The following MYLK4 variants were observed in gnomAD, a reference collection of about 807,000 sequenced individuals.
The protein encoded by MYLK4 is caMLCK like.
A neutral mutation model predicts 48.1 loss-of-function variants in MYLK4; 46 were observed. The observed-to-expected ratio is 0.96, with a 90% CI of 0.75 to 1.22. MYLK4 has a LOEUF of 1.22. MYLK4 is among the 50% of genes most tolerant of loss of function. The pLI, the probability that MYLK4 is intolerant of heterozygous loss-of-function variation, is 0.00. For missense variants in MYLK4, 451 were observed against 486.1 expected (o/e 0.93, Z 0.68); for synonymous variants, 170 against 180.8 (o/e 0.94, Z 0.48).
At chr6:2,689,074 CTGTT>C (rs1329749829) in intron 3 of MYLK4, 118 bp from the exon 4 acceptor site, 5 of 734,740 alleles carry the variant, frequency 6.8e-6, no homozygotes, top group Middle Eastern at 2.4e-4. Context: ...AAGGAGCCAT[CTGTT>C]TGATTCCTAA....
chr6:2,705,266 T>C (rs1291872142), intron 2 of MYLK4, among the ~76,000 whole-genome samples: 1 of 152,244 alleles, frequency 6.6e-6, no homozygotes, highest in African/African-American at 2.4e-5. Flanking sequence ...CATTAGGAAC[T>C]GTCAACATGG....
At chr6:2,717,293 A>C (rs9503271) in intron 2 of MYLK4, among the ~76,000 whole-genome samples, 4,558 of 152,234 alleles carry the variant, frequency 0.03, 226 homozygotes, top group African/African-American at 0.1. Flanking sequence ...TCTTGGTAGA[A>C]GTTCACACCT....
upstream of MYLK4, among the ~76,000 whole-genome samples, chr6:2,751,143 G>A (rs1240621202): frequency 2.0e-5 from 3 of 152,220 alleles, no homozygotes; most frequent in Middle Eastern, 3.4e-3. Context: ...CAATACTCTC[G>A]GATTTACAAA....
Position 2,716,113 on chromosome 6 carries a change from A to G in MYLK4, c.160-23254T>C, listed in dbSNP as rs543206344. On this transcript the variant is annotated intron_variant, in intron 2 of 12. Coordinates refer to ENST00000274643, the MANE Select transcript of MYLK4 (RefSeq NM_001012418.5). ...CCTTTAATGAGTCTGAACATTGTGG[A>G]CAAGCACATTGGTTAAGACAGATAA... 2.6e-5 allele frequency among the ~76,000 whole-genome samples: 4 copies of G among 152,362 alleles called. No individual in the cohort carries two copies. The East Asian group carries it at 7.7e-4, about 29-fold the overall frequency.
At position 2,685,452 on chromosome 6, in the gene MYLK4, G is replaced by A; in HGVS notation, c.435+31C>T. Reference sequence around the variant, plus strand: ...ATTAGTGTGGTCAAGATGGGGCGGGGAGGGAGGGGACCACCTCCCACAGGC... The same window carrying A: ...ATTAGTGTGGTCAAGATGGGGCGGGAAGGGAGGGGACCACCTCCCACAGGC... On this transcript the variant is annotated intron_variant, in intron 5 of 12. Coordinates refer to ENST00000274643, the MANE Select transcript of MYLK4 (RefSeq NM_001012418.5). This position sits in a 1 kb window ranked among gnomAD's most constrained non-coding sequence, Gnocchi z 4.5. 1.3e-6 allele frequency: 2 copies of A among 1,592,492 alleles called. No individual in the cohort carries two copies. Among genetic ancestry groups the A allele is most frequent in the African/African-American group, 2.7e-5 (2 of 74,494 alleles).
At chr6:2,692,892 A>G (rs756803024) in intron 2 of MYLK4, 33 bp from the exon 3 acceptor site, 102 of 1,596,412 alleles carry the variant, frequency 6.4e-5, no homozygotes, top group Non-Finnish European at 8.5e-5. Context: ...TTGAAGTTAC[A>G]TATCACATCT....
chr6:2,760,485 T>C, the MYLK4 span, among the ~76,000 whole-genome samples: 1 of 152,168 alleles, frequency 6.6e-6, no homozygotes, highest in East Asian at 1.9e-4. Context: ...AGCAATCAAA[T>C]TCAATTTCTA....
chr6:2,765,593 C>G, the MYLK4 span: 1 of 1,471,764 alleles, frequency 6.8e-7, no homozygotes, highest in Non-Finnish European at 8.9e-7. Context: ...GCTGCGGCCG[C>G]GCCGGGCGCC....
At chr6:2,732,264 CCT>C (rs1308708588) in intron 2 of MYLK4, among the ~76,000 whole-genome samples, 1 of 152,180 alleles carries the variant, frequency 6.6e-6, no homozygotes, top group Non-Finnish European at 1.5e-5. Context: ...ACAGTCCAAG[CCT>C]TTTATGCACA....
chr6:2,763,580 T>C, the MYLK4 span, among the ~76,000 whole-genome samples: 4 of 152,194 alleles, frequency 2.6e-5, no homozygotes, highest in Non-Finnish European at 5.9e-5. Flanking sequence ...TATCTGAGCC[T>C]ACTCCCACCC....
chr6:2,705,023 G>A (rs886793982), intron 2 of MYLK4, among the ~76,000 whole-genome samples: 1 of 152,134 alleles, frequency 6.6e-6, no homozygotes, highest in African/African-American at 2.4e-5. Flanking sequence ...ACCGATTCTC[G>A]GGTGCTTTTC....
the MYLK4 span, chr6:2,766,168 C>G: frequency 7.5e-7 from 1 of 1,340,152 alleles, no homozygotes; most frequent in Non-Finnish European, 9.5e-7. Flanking sequence ...ACGCGGACGG[C>G]GAGGACGACC....
At chr6:2,678,656 C>T (rs1435847830) in intron 9 of MYLK4, among the ~76,000 whole-genome samples, 3 of 151,508 alleles carry the variant, frequency 2.0e-5, no homozygotes, top group African/African-American at 7.3e-5. Flanking sequence ...AGATGGCAAA[C>T]GCTAGGCATG....
Position 2,683,119 on chromosome 6 carries a change from A to G in MYLK4, c.589T>C (p.Tyr197His). 1 of 1,614,124 alleles carries G rather than the reference A, an allele frequency of 6.2e-7. No homozygotes were observed. The highest frequency in any genetic ancestry group is 8.5e-7 in the Non-Finnish European group (1 of 1,180,026). The part of the protein sequence containing the change: ...ELFDRIIDES[Y>H]NLTELDTILF... ...ATGGTATCAAGCTCCGTCAAATTGT[A>G]GCTCTCATCGATGATGCGGTCAAAC... The change falls in exon 7 of 13, where the codon TAC becomes CAC. Residue 197 changes from tyrosine (Y) to histidine (H), a missense_variant. Transcript: ENST00000274643.
intron 2 of MYLK4, among the ~76,000 whole-genome samples, chr6:2,693,796 T>G (rs1376700552): frequency 6.7e-6 from 1 of 148,432 alleles, no homozygotes; most frequent in African/African-American, 2.5e-5. Context: ...TCGCTCTTGT[T>G]GCCCAGGCTG....
chr6:2,688,118 G>A (rs926070424), intron 4 of MYLK4, among the ~76,000 whole-genome samples: 2 of 151,860 alleles, frequency 1.3e-5, no homozygotes, highest in African/African-American at 4.8e-5. Context: ...GAGTGTAGGG[G>A]CCTGATCTCG....
intron 2 of MYLK4, among the ~76,000 whole-genome samples, chr6:2,736,202 C>T (rs1036765873): frequency 7.2e-5 from 11 of 152,222 alleles, no homozygotes; most frequent in African/African-American, 2.7e-4. Context: ...TATAAGTTAA[C>T]ATTTATTACA....
chr6:2,725,517 G>A lies in MYLK4; in HGVS notation c.159+23619C>T, dbSNP rs984360607. ...AGAGAGGGGGAGAGAGAGAGAGACA[G>A]AGAGAGAGAAAAAGAAACAAAGAAA... On this transcript the variant is annotated intron_variant, in intron 2 of 12. Coordinates refer to ENST00000274643, the MANE Select transcript of MYLK4 (RefSeq NM_001012418.5). 2.2e-3 allele frequency among the ~76,000 whole-genome samples: 296 copies of A among 136,668 alleles called. 2 individuals carry two copies. Among genetic ancestry groups the A allele is most frequent in the African/African-American group, 8.0e-3 (275 of 34,278 alleles). 89.7% of individuals were successfully genotyped at this position (136,668 alleles called of 152,430 possible). A position where few individuals can be genotyped will look rare whatever the true frequency, so the allele number is the denominator to read the frequency against.
At chr6:2,729,861 G>C (rs896286949) in intron 2 of MYLK4, among the ~76,000 whole-genome samples, 1 of 152,164 alleles carries the variant, frequency 6.6e-6, no homozygotes, top group African/African-American at 2.4e-5. Context: ...AGGGTGGCTG[G>C]AGCAATCCCT....
Sources: gnomAD v4.1 joint callset for allele counts (sites outside exome capture counted in the v4.1 genomes callset) on GRCh38, gnomAD v4.1.1 for gene constraint, Gnocchi (gnomAD v3.1) non-coding constraint, MANE v1.5 for transcripts, NCBI Gene and HGNC (gene_info 2026-07-23, HGNC 2026-07-21) for gene names.